THSD4: variants seen among roughly 807,000 people sequenced by gnomAD.
The protein encoded by THSD4 is thrombospondin type 1 domain containing 4.
Under a neutral mutation model 119.0 loss-of-function variants are expected in THSD4, and 69 were observed. The observed-to-expected ratio is 0.58, with a 90% confidence interval of 0.48 to 0.71. The LOEUF (loss-of-function observed/expected upper bound fraction) is 0.71, where lower values mean the gene tolerates loss of function less well. Ranked by LOEUF, THSD4 falls within the 30% of genes least tolerant of loss-of-function variation. THSD4 has a pLI of 0.00. For synonymous variants in THSD4, 524 were observed against 540.4 expected (o/e 0.97, Z 0.42); for missense variants, 1,393 against 1,391.1 (o/e 1.00, Z -0.02).
chr15:71,111,484 C>T, upstream of THSD4: 7 of 1,299,542 alleles, frequency 5.4e-6, no homozygotes, highest in Non-Finnish European at 7.4e-6. Context: ...GGAATCTACC[C>T]TGAGATTTTT....
intron 7 of THSD4, among the ~76,000 whole-genome samples, chr15:71,507,418 T>TGCAGTATTTTTAGG (rs1555421626): frequency 3.9e-5 from 6 of 151,936 alleles, no homozygotes; most frequent in Non-Finnish European, 7.4e-5. Context: ...TCTCATAAAC[T>TGCAGTATTTTTAGG]GCACTATTTT....
chr15:71,186,874 A>G (rs1276084783), intron 3 of THSD4: 1 of 152,244 alleles, frequency 6.6e-6, no homozygotes, highest in East Asian at 1.9e-4. Context: ...AGTTTGCTTA[A>G]TTAACTAGTC....
At chr15:71,229,330 A>T (rs1020718532) in intron 4 of THSD4, among the ~76,000 whole-genome samples, 1 of 152,244 alleles carries the variant, frequency 6.6e-6, no homozygotes, top group Non-Finnish European at 1.5e-5. Context: ...AGAATGTATT[A>T]TTTAAATACA....
chr15:71,547,273 T>C, intron 7 of THSD4: 3 of 1,472,876 alleles, frequency 2.0e-6, no homozygotes, highest in Non-Finnish European at 1.8e-6. Flanking sequence ...GGCAGTACAG[T>C]GAGGGAGAGC....
At chr15:71,118,521 G>A (rs1177168745) in intron 1 of THSD4, among the ~76,000 whole-genome samples, 8 of 152,118 alleles carry the variant, frequency 5.3e-5, no homozygotes, top group Admixed American at 5.2e-4. Context: ...CCCCCGAGCA[G>A]CCTCCTTGGG....
chr15:71,774,870 G>A (rs2053886102), intron 17 of THSD4, among the ~76,000 whole-genome samples: 1 of 152,192 alleles, frequency 6.6e-6, no homozygotes, highest in African/African-American at 2.4e-5. Context: ...AAGCAAGCTG[G>A]GCGACGTGAC....
At position 71,127,500 on chromosome 15, in the gene THSD4, A is replaced by G. The variant is rs567957753; in HGVS notation, c.-80+11802A>G. On this transcript the variant is annotated intron_variant, in intron 1 of 17. Transcript: ENST00000261862. ...TTGAGGAAGCTCTATACAATTTTCC[A>G]TAATGGCTGTACTAATTTACATTCC... Among the ~76,000 whole-genome samples, 5 of 152,374 alleles carry G rather than the reference A, an allele frequency of 3.3e-5. No homozygotes were observed. The South Asian group carries it at 1.0e-3, about 32-fold the overall frequency.
At chr15:71,761,976 C>A (rs1248066884) in intron 15 of THSD4, among the ~76,000 whole-genome samples, 1 of 152,198 alleles carries the variant, frequency 6.6e-6, no homozygotes, top group African/African-American at 2.4e-5. Flanking sequence ...ACCAATATAG[C>A]CTGAAGCACA....
chr15:71,400,631 C>A (rs2046516929), intron 6 of THSD4, among the ~76,000 whole-genome samples: 1 of 152,178 alleles, frequency 6.6e-6, no homozygotes, highest in Non-Finnish European at 1.5e-5. Flanking sequence ...GCAAACTGGT[C>A]CATTGCTTTG....
chr15:71,416,746 GTTTTATTTTATTTTA>G (rs370499335), intron 7 of THSD4, among the ~76,000 whole-genome samples: 2,038 of 16,438 alleles, frequency 0.12, 583 homozygotes, highest in African/African-American at 0.13. Flanking sequence ...GTTTTGTTTT[GTTTTATTTTATTTTA>G]TTTTATTTTA....
chr15:71,397,811 G>A (rs1342407612), intron 6 of THSD4, among the ~76,000 whole-genome samples: 6 of 152,148 alleles, frequency 3.9e-5, no homozygotes, highest in African/African-American at 1.2e-4. Flanking sequence ...CTGTAAAATG[G>A]GATAGTAATA....
intron 7 of THSD4, among the ~76,000 whole-genome samples, chr15:71,472,017 C>T (rs892962475): frequency 6.6e-5 from 10 of 152,126 alleles, no homozygotes; most frequent in Non-Finnish European, 1.3e-4. Flanking sequence ...TGGGCTCAAA[C>T]AATCCCTCCA....
Position 71,715,775 on chromosome 15 carries a change from GTT to G in THSD4, c.1358-12761_1358-12760del, listed in dbSNP as rs3086733. Among the ~76,000 whole-genome samples, 555 of 147,978 alleles carry G rather than the reference GTT, an allele frequency of 3.8e-3. 3 individuals carry two copies. Among genetic ancestry groups the G allele is most frequent in the African/African-American group, 0.011 (428 of 39,652 alleles). On this transcript the variant is annotated intron_variant, in intron 8 of 17. Coordinates refer to ENST00000261862, the MANE Select transcript of THSD4 (RefSeq NM_024817.3). The stretch of plus-strand genomic sequence containing the variant: ...CTCAAAATTTGGAATTAGGCTCTGG[GTT>G]TTTTTTTTTTTTCCTCTATTTAGGA...
chr15:71,425,177 A>G (rs2046852597), intron 7 of THSD4, among the ~76,000 whole-genome samples: 1 of 152,206 alleles, frequency 6.6e-6, no homozygotes. Flanking sequence ...TCCTTTACAC[A>G]AAAGTGATTT....
intron 17 of THSD4, among the ~76,000 whole-genome samples, chr15:71,773,207 AAAAAAAAAG>A (rs1472957625): frequency 5.6e-4 from 78 of 139,974 alleles, no homozygotes; most frequent in South Asian, 1.3e-3. Flanking sequence ...TCTCAAAAAA[AAAAAAAAAG>A]AAAAAGAAAA....
intron 7 of THSD4, among the ~76,000 whole-genome samples, chr15:71,588,139 T>C (rs2049719576): frequency 1.3e-5 from 2 of 151,884 alleles, no homozygotes; most frequent in Admixed American, 1.3e-4. Context: ...ACCCCGTCTC[T>C]ACTAAAAATA....
At chr15:71,107,758 A>C (rs1162773573) in intron 1 of THSD4, among the ~76,000 whole-genome samples, 1 of 152,248 alleles carries the variant, frequency 6.6e-6, no homozygotes, top group Non-Finnish European at 1.5e-5. Context: ...AACTTCTCTC[A>C]GACTGAGGAT....
At chr15:71,119,917 G>T (rs1032734744) in intron 1 of THSD4, among the ~76,000 whole-genome samples, 7 of 152,208 alleles carry the variant, frequency 4.6e-5, no homozygotes, top group African/African-American at 1.7e-4. Context: ...AAGTCTGGAG[G>T]GCTGGTGGGG....
intron 3 of THSD4, among the ~76,000 whole-genome samples, chr15:71,195,941 A>G (rs2043715738): frequency 6.6e-6 from 1 of 152,172 alleles, no homozygotes; most frequent in Admixed American, 6.5e-5. Flanking sequence ...CACTGCATCC[A>G]CCCATTTGTG....
Sources: allele counts gnomAD v4.1 joint callset (sites outside exome capture counted in the v4.1 genomes callset), GRCh38; gene constraint gnomAD v4.1.1; transcripts MANE v1.5; gene names NCBI Gene and HGNC (gene_info 2026-07-23, HGNC 2026-07-21).